DENND1A: variants seen among roughly 807,000 people sequenced by gnomAD.
The protein encoded by DENND1A is DENN domain-containing protein 1A.
A neutral mutation model predicts 113.7 loss-of-function variants in DENND1A; 51 were observed. That is an observed-to-expected ratio of 0.45 (90% CI 0.36 to 0.57). DENND1A has a LOEUF of 0.57. Among genes scored for constraint, DENND1A ranks in the 20% least tolerant of loss-of-function variants. DENND1A has a pLI of 0.00. For missense variants in DENND1A, 1,258 were observed against 1,395.9 expected (o/e 0.90, Z 1.57); for synonymous variants, 565 against 570.8 (o/e 0.99, Z 0.14).
chr9:123,668,837 A>G (rs958543975), intron 7 of DENND1A, among the ~76,000 whole-genome samples: 2 of 152,344 alleles, frequency 1.3e-5, no homozygotes, highest in East Asian at 1.9e-4. Context: ...TTAATTCAAC[A>G]GTGAGGATTA....
At chr9:123,465,409 A>C (rs2048867385) in intron 13 of DENND1A, among the ~76,000 whole-genome samples, 2 of 151,100 alleles carry the variant, frequency 1.3e-5, no homozygotes, top group South Asian at 4.2e-4. Flanking sequence ...GTGGAGTGAG[A>C]ATGTGGCTTG....
chr9:123,918,221 G>T (rs976691159), intron 1 of DENND1A, among the ~76,000 whole-genome samples: 2 of 151,294 alleles, frequency 1.3e-5, no homozygotes, highest in African/African-American at 4.9e-5. Flanking sequence ...GGGCGTGGTG[G>T]CTCATGCCTG....
chr9:123,492,645 G>C (rs2051477493), intron 13 of DENND1A: 1 of 152,174 alleles, frequency 6.6e-6, no homozygotes, highest in Non-Finnish European at 1.5e-5. Context: ...AATTTTTCTT[G>C]TTCTGCCTTC....
intron 19 of DENND1A, among the ~76,000 whole-genome samples, chr9:123,434,484 A>G (rs1180614579): frequency 6.6e-6 from 1 of 152,260 alleles, no homozygotes; most frequent in African/African-American, 2.4e-5. Flanking sequence ...TGCTTCAACA[A>G]CAATCAATTA....
chr9:123,651,909 G>T, intron 9 of DENND1A, 104 bp downstream of exon 9: 2 of 855,650 alleles, frequency 2.3e-6, no homozygotes, highest in Non-Finnish European at 3.6e-6. Context: ...CATATAAGGG[G>T]ACTGTAGCTG....
intron 19 of DENND1A, among the ~76,000 whole-genome samples, chr9:123,423,262 GA>G (rs1375700916): frequency 2.6e-5 from 4 of 152,166 alleles, no homozygotes; most frequent in East Asian, 1.9e-4. Flanking sequence ...GAGTCCCCTG[GA>G]AAGGCAACTC....
At chr9:123,396,889 G>C (rs911322167) in intron 21 of DENND1A, among the ~76,000 whole-genome samples, 1 of 152,192 alleles carries the variant, frequency 6.6e-6, no homozygotes, top group Non-Finnish European at 1.5e-5. Context: ...CAATTCTTCA[G>C]AAAGTTATAC....
intron 18 of DENND1A, among the ~76,000 whole-genome samples, chr9:123,443,724 G>A (rs1369351341): frequency 2.6e-5 from 4 of 152,248 alleles, no homozygotes; most frequent in Non-Finnish European, 5.9e-5. Flanking sequence ...GGGGGTCGAG[G>A]TGGAAGGATC....
chr9:123,454,035 C>T (rs1041144862), intron 16 of DENND1A, among the ~76,000 whole-genome samples: 2 of 152,200 alleles, frequency 1.3e-5, no homozygotes, highest in Admixed American at 1.3e-4. Flanking sequence ...CCAAGGGACT[C>T]GCCTGGCAGC....
chr9:123,497,813 C>CAAAAAAAAAA (rs755257150), intron 13 of DENND1A, among the ~76,000 whole-genome samples: 1 of 101,764 alleles, frequency 9.8e-6, no homozygotes, highest in African/African-American at 3.7e-5. Flanking sequence ...CTCTTCCATC[C>CAAAAAAAAAA]AAAAAAAAAA....
chr9:123,575,163 G>A (rs2058566853), intron 12 of DENND1A, among the ~76,000 whole-genome samples: 1 of 152,192 alleles, frequency 6.6e-6, no homozygotes, highest in African/African-American at 2.4e-5. Context: ...TGGTGGAGAG[G>A]TGCAAGGGAG....
chr9:123,599,559 G>A (rs1369757910), intron 11 of DENND1A, among the ~76,000 whole-genome samples: 2 of 152,170 alleles, frequency 1.3e-5, no homozygotes, highest in African/African-American at 2.4e-5. Flanking sequence ...TTTATGGCAG[G>A]TGTCCTCATT....
chr9:123,674,366 A>T (rs999077087), intron 6 of DENND1A, among the ~76,000 whole-genome samples: 3 of 150,716 alleles, frequency 2.0e-5, no homozygotes, highest in African/African-American at 4.9e-5. Context: ...ACACACACAC[A>T]CACACACACA....
In DENND1A at chr9:123,848,689, A is replaced by G. The variant is rs562155394; in HGVS notation, c.88+30262T>C. ...TGACGAAGGCATATTGAAAGTCAAG[A>G]TAGGCTCAAAGTTAGTCTTCTTGTA... On this transcript the variant is annotated intron_variant, in intron 2 of 23. Transcript: ENST00000394215. Among the ~76,000 whole-genome samples, 4 of 152,358 alleles carry G rather than the reference A, an allele frequency of 2.6e-5. No individual in the cohort carries two copies. The East Asian group carries it at 7.7e-4, about 29-fold the overall frequency.
intron 2 of DENND1A, among the ~76,000 whole-genome samples, chr9:123,811,410 C>A (rs1038045940): frequency 6.6e-6 from 1 of 152,116 alleles, no homozygotes; most frequent in Non-Finnish European, 1.5e-5. Context: ...TTCTGCAGCA[C>A]AAATAGAATG....
At chr9:123,441,020 T>C (rs2046894126) in intron 18 of DENND1A, among the ~76,000 whole-genome samples, 3 of 152,360 alleles carry the variant, frequency 2.0e-5, no homozygotes, top group Admixed American at 1.3e-4. Flanking sequence ...TTTTTAAACA[T>C]TCAAAATGCC....
rs868532232 is a variant in DENND1A, at chr9:123,420,763, C to A, written c.1489-8934G>T. Among the ~76,000 whole-genome samples the A allele has an allele frequency of 6.7e-5, 10 of 149,562 alleles. No homozygotes were observed. In the East Asian group the frequency reaches 1.6e-3, roughly 24 times the overall value. On this transcript the variant is annotated intron_variant, in intron 19 of 23. Coordinates refer to ENST00000394215, the MANE Select transcript of DENND1A (RefSeq NM_001352964.2). Reference sequence around the variant, plus strand: ...CTTCCCGTGCAAAGAGCTCGGCTGACGGGGAAGTTCACATGCTGAACAAAA... The same window carrying A: ...CTTCCCGTGCAAAGAGCTCGGCTGAAGGGGAAGTTCACATGCTGAACAAAA...
intron 5 of DENND1A, among the ~76,000 whole-genome samples, chr9:123,690,084 A>AGGAGGGAG (rs1200814385): frequency 3.4e-5 from 2 of 59,408 alleles, no homozygotes; most frequent in South Asian, 8.5e-4. Context: ...GAAGAAGGAA[A>AGGAGGGAG]GGAGGGAGGG....
intron 2 of DENND1A, among the ~76,000 whole-genome samples, chr9:123,859,141 T>A (rs1408858489): frequency 6.6e-6 from 1 of 152,192 alleles, no homozygotes; most frequent in Non-Finnish European, 1.5e-5. Context: ...TTACTAACAG[T>A]ATAAACCTGA....
Sources: allele counts gnomAD v4.1 joint callset (sites outside exome capture counted in the v4.1 genomes callset), GRCh38; gene constraint gnomAD v4.1.1; transcripts MANE v1.5; gene names NCBI Gene and HGNC (gene_info 2026-07-23, HGNC 2026-07-21).